PTPRD: variants seen among roughly 807,000 people sequenced by gnomAD.
PTPRD encodes the protein protein tyrosine phosphatase receptor type D.
In PTPRD, 34 loss-of-function variants were observed where a neutral mutation model predicts 214.5. That is an observed-to-expected ratio of 0.16 (90% CI 0.12 to 0.21). PTPRD has a LOEUF of 0.21. Among genes scored for constraint, PTPRD ranks in the 10% least tolerant of loss-of-function variants. PTPRD has a pLI of 1.00. For synonymous variants in PTPRD, 1,128 were observed against 845.7 expected (o/e 1.33, Z -5.79); for missense variants, 2,545 against 2,398.7 (o/e 1.06, Z -1.27).
chr9:10,457,839 A>G (rs181579420), intron 2 of PTPRD, among the ~76,000 whole-genome samples: 6 of 152,200 alleles, frequency 3.9e-5, no homozygotes, highest in African/African-American at 1.4e-4. Flanking sequence ...AAATTGACAT[A>G]CCCATAGCCA....
intron 5 of PTPRD, among the ~76,000 whole-genome samples, chr9:9,865,697 G>A (rs892821779): frequency 1.3e-5 from 2 of 152,192 alleles, no homozygotes; most frequent in Admixed American, 6.5e-5. Context: ...TCATCAGTTG[G>A]TTCTCTGGTC....
chr9:10,431,206 G>C lies in PTPRD; in HGVS notation c.-599-90189C>G, dbSNP rs151112903. Among the ~76,000 whole-genome samples the C allele has an allele frequency of 3.0e-3, 453 of 151,952 alleles. 2 individuals carry two copies. The highest frequency in any genetic ancestry group is 0.01 in the African/African-American group (429 of 41,478). On this transcript the variant is annotated intron_variant, in intron 2 of 45. Transcript: ENST00000381196. ...ATTTCATCGTTCAGAATCACTGTTT[G>C]AAAGGTTTCTTTCCAGTTTAGCCAT...
At chr9:10,027,643 T>C (rs1209245687) in intron 4 of PTPRD, among the ~76,000 whole-genome samples, 2 of 152,192 alleles carry the variant, frequency 1.3e-5, no homozygotes, top group Non-Finnish European at 2.9e-5. Context: ...ATACTGCCTA[T>C]TGAAAAATTT....
intron 7 of PTPRD, among the ~76,000 whole-genome samples, chr9:9,602,217 TG>T (rs2093824899): frequency 1.3e-5 from 2 of 152,096 alleles, no homozygotes; most frequent in Non-Finnish European, 2.9e-5. Context: ...TCATTAAACA[TG>T]TTAATATTTA....
Position 10,465,820 on chromosome 9 carries a change from G to C in PTPRD, c.-599-124803C>G, listed in dbSNP as rs77888799. 1.3e-3 allele frequency among the ~76,000 whole-genome samples: 198 copies of C among 152,226 alleles called. 3 individuals carry two copies. In the East Asian group the frequency reaches 0.037, roughly 28 times the overall value. On this transcript the variant is annotated intron_variant, in intron 2 of 45. Coordinates refer to ENST00000381196, the MANE Select transcript of PTPRD (RefSeq NM_002839.4). ...CACAATGCTGACCTCACCTAACATG[G>C]CATTTATCAGAATATGTCTTCATTG...
chr9:10,153,503 T>C lies in PTPRD; in HGVS notation c.-544-119713A>G, dbSNP rs542038135. Among the ~76,000 whole-genome samples, 10 of 150,586 alleles carry C rather than the reference T, an allele frequency of 6.6e-5. No individual in the cohort carries two copies. The South Asian group carries it at 2.1e-3, about 31-fold the overall frequency. On this transcript the variant is annotated intron_variant, in intron 3 of 45. Transcript: ENST00000381196. ...CTATAATCTATATTTATACAATTTT[T>C]ATATATTATATATATATATGTTGCT... is the stretch of plus-strand genomic sequence containing the variant.
intron 8 of PTPRD, among the ~76,000 whole-genome samples, chr9:9,565,268 T>G (rs2084156674): frequency 6.6e-6 from 1 of 151,892 alleles, no homozygotes; most frequent in Non-Finnish European, 1.5e-5. Context: ...TCATCTGTTT[T>G]GATTAGGAAT....
At chr9:8,569,326 G>A (rs562251719) in intron 14 of PTPRD, among the ~76,000 whole-genome samples, 1 of 152,212 alleles carries the variant, frequency 6.6e-6, no homozygotes, top group East Asian at 1.9e-4. Context: ...ATCATATCAG[G>A]CAGGCAATCA....
intron 9 of PTPRD, among the ~76,000 whole-genome samples, chr9:9,230,597 C>A (rs771929894): frequency 3.3e-5 from 5 of 152,080 alleles, no homozygotes; most frequent in Admixed American, 6.6e-5. Flanking sequence ...GGTACACTCT[C>A]AAACTAACTA....
Position 8,819,751 on chromosome 9 carries a change from T to C in PTPRD, c.-103-85805A>G, listed in dbSNP as rs188843202. Among the ~76,000 whole-genome samples the C allele has an allele frequency of 1.8e-4, 27 of 152,254 alleles. No homozygotes were observed. The East Asian group carries it at 5.2e-3, about 29-fold the overall frequency. Reference sequence around the variant, plus strand: ...TCAATAAAATGTGGGAGATTGTTAGTTAAAGTCAGATTCCTTTGTGACACA... The same window carrying C: ...TCAATAAAATGTGGGAGATTGTTAGCTAAAGTCAGATTCCTTTGTGACACA... On this transcript the variant is annotated intron_variant, in intron 11 of 45. Transcript: ENST00000381196.
At chr9:8,462,253 C>G in intron 32 of PTPRD, among the ~76,000 whole-genome samples, 1 of 151,900 alleles carries the variant, frequency 6.6e-6, no homozygotes, top group Non-Finnish European at 1.5e-5. Flanking sequence ...TTTTACCTTA[C>G]AGAAAAAAGG....
At chr9:9,496,939 T>C (rs1420331168) in intron 8 of PTPRD, among the ~76,000 whole-genome samples, 1 of 152,168 alleles carries the variant, frequency 6.6e-6, no homozygotes, top group Non-Finnish European at 1.5e-5. Flanking sequence ...AATTCTGACA[T>C]ATGCTACAAC....
At chr9:8,735,373 G>C (rs964683674) in intron 11 of PTPRD, among the ~76,000 whole-genome samples, 3 of 151,472 alleles carry the variant, frequency 2.0e-5, no homozygotes, top group African/African-American at 7.3e-5. Flanking sequence ...CAAACTCCTG[G>C]CATCAAGTGA....
At chr9:9,688,223 A>G (rs891294824) in intron 7 of PTPRD, among the ~76,000 whole-genome samples, 8 of 151,942 alleles carry the variant, frequency 5.3e-5, no homozygotes, top group African/African-American at 1.9e-4. Flanking sequence ...ACTAATAACA[A>G]TATATATAAG....
At chr9:9,347,988 G>A (rs1249202125) in intron 9 of PTPRD, among the ~76,000 whole-genome samples, 1 of 152,112 alleles carries the variant, frequency 6.6e-6, no homozygotes, top group Non-Finnish European at 1.5e-5. Flanking sequence ...AAAAATCAGA[G>A]AGTATGTCAC....
At chr9:9,015,324 G>T (rs1218140437) in intron 11 of PTPRD, among the ~76,000 whole-genome samples, 1 of 152,124 alleles carries the variant, frequency 6.6e-6, no homozygotes, top group African/African-American at 2.4e-5. Context: ...ATAGGTTGCA[G>T]TAAAGGAGCT....
chr9:8,834,674 G>T (rs1053277954), intron 11 of PTPRD, among the ~76,000 whole-genome samples: 1 of 152,142 alleles, frequency 6.6e-6, no homozygotes, highest in Non-Finnish European at 1.5e-5. Context: ...TCCTATTTCA[G>T]AGACAAAGAA....
intron 2 of PTPRD, among the ~76,000 whole-genome samples, chr9:10,397,224 C>T (rs2098187458): frequency 6.6e-6 from 1 of 152,056 alleles, no homozygotes; most frequent in Admixed American, 6.6e-5. Flanking sequence ...TACCAGTTAA[C>T]ACCTATGTGA....
At chr9:9,219,485 C>G (rs970884152) in intron 9 of PTPRD, among the ~76,000 whole-genome samples, 2 of 151,708 alleles carry the variant, frequency 1.3e-5, no homozygotes, top group African/African-American at 2.4e-5. Flanking sequence ...TGGCTAAAAG[C>G]CAAATTCCTT....
Sources: allele counts gnomAD v4.1 joint callset (sites outside exome capture counted in the v4.1 genomes callset), GRCh38; gene constraint gnomAD v4.1.1; transcripts MANE v1.5; gene names NCBI Gene and HGNC (gene_info 2026-07-23, HGNC 2026-07-21).